Variants in IMPACT observed in about 807,000 individuals in gnomAD.
The protein encoded by IMPACT is protein IMPACT.
Under a neutral mutation model 47.5 loss-of-function variants are expected in IMPACT, and 35 were observed. The observed-to-expected ratio is 0.74, with a 90% CI of 0.56 to 0.98. The LOEUF is 0.98. Ranked by LOEUF, IMPACT falls within the 50% of genes least tolerant of loss-of-function variation. The pLI, the probability that IMPACT is intolerant of heterozygous loss-of-function variation, is 0.00. For synonymous variants in IMPACT, 118 were observed against 125.6 expected (o/e 0.94, Z 0.40); for missense variants, 373 against 394.8 (o/e 0.94, Z 0.47).
At chr18:24,438,771 A>G (rs78420576) in intron 5 of IMPACT, among the ~76,000 whole-genome samples, 9,181 of 152,066 alleles carry the variant, frequency 0.06, 894 homozygotes, top group African/African-American at 0.21. Context: ...CTATTGTATC[A>G]TATGCCTTAT....
chr18:24,446,093 T>G (rs1909242041), intron 8 of IMPACT, among the ~76,000 whole-genome samples: 1 of 152,172 alleles, frequency 6.6e-6, no homozygotes, highest in Non-Finnish European at 1.5e-5. Context: ...TTATTTTGGT[T>G]TGGTTTTTGA....
Position 24,446,451 on chromosome 18 carries a change from A to G in IMPACT, c.668+985A>G, listed in dbSNP as rs570281087. Among the ~76,000 whole-genome samples, 530 of 152,308 alleles carry G rather than the reference A, an allele frequency of 3.5e-3. 5 individuals carry two copies. The highest frequency in any genetic ancestry group is 0.012 in the African/African-American group (508 of 41,566). Reference sequence around the variant, plus strand: ...CAGTTTTGAGAATTCAGGTTTTTATATGCATCTTTGCTGATTTGTAAGTGA... The same window carrying G: ...CAGTTTTGAGAATTCAGGTTTTTATGTGCATCTTTGCTGATTTGTAAGTGA... On this transcript the variant is annotated intron_variant, in intron 8 of 10. Transcript: ENST00000284202.
At position 24,443,996 on chromosome 18, in the gene IMPACT, C is replaced by T. The variant is rs990095739; in HGVS notation, c.594+844C>T. Reference sequence around the variant, plus strand: ...CTTTGGTCTTTGCAGCTACCCTACTCTTGAAGCTCTTTAAAGCCCTGGGCT... The same window carrying T: ...CTTTGGTCTTTGCAGCTACCCTACTTTTGAAGCTCTTTAAAGCCCTGGGCT... On this transcript the variant is annotated intron_variant, in intron 7 of 10. Coordinates refer to ENST00000284202, the MANE Select transcript of IMPACT (RefSeq NM_018439.4). 1.2e-4 allele frequency among the ~76,000 whole-genome samples: 18 copies of T among 152,196 alleles called. 1 individual carries two copies. Among genetic ancestry groups the T allele is most frequent in the Admixed American group, 1.2e-3 (18 of 15,280 alleles).
At position 24,434,794 on chromosome 18, in the gene IMPACT, T is replaced by C; in HGVS notation, c.282-3161T>C. On this transcript the variant is annotated intron_variant, in intron 4 of 10. Coordinates refer to ENST00000284202, the MANE Select transcript of IMPACT (RefSeq NM_018439.4). ...AAAAAAAAATATATATATATATATATATGTGTGTGTGTGTGTATATATATG... is the reference window on the plus strand; with the variant it reads ...AAAAAAAAATATATATATATATATACATGTGTGTGTGTGTGTATATATATG... Among the ~76,000 whole-genome samples the C allele has an allele frequency of 3.1e-5, 2 of 64,826 alleles. 1 individual carries two copies. Among genetic ancestry groups the C allele is most frequent in the African/African-American group, 9.3e-5 (2 of 21,518 alleles). 42.5% of individuals were successfully genotyped at this position (64,826 alleles called of 152,430 possible).
At chr18:24,437,828 A>T in intron 4 of IMPACT, 127 bp from the exon 5 acceptor site, 1 of 599,422 alleles carries the variant, frequency 1.7e-6, no homozygotes, top group South Asian at 2.2e-5. Flanking sequence ...GGTTTTTATA[A>T]ATTATTTTAA....
At chr18:24,430,254 G>A (rs1018003687) in intron 3 of IMPACT, 68 bp from the exon 4 acceptor site, 13 of 1,065,230 alleles carry the variant, frequency 1.2e-5, no homozygotes, top group African/African-American at 1.6e-5. Context: ...TATTTGTGAT[G>A]TAATCTGTAA....
At chr18:24,439,533 A>C (rs1909038993) in intron 5 of IMPACT, 2 of 146,936 alleles carry the variant, frequency 1.4e-5, no homozygotes, top group Middle Eastern at 7.2e-3. Flanking sequence ...GCTACTCGGG[A>C]GGCTGAGGCA....
intron 4 of IMPACT, among the ~76,000 whole-genome samples, chr18:24,432,710 C>A (rs1421508605): frequency 6.6e-6 from 1 of 151,864 alleles, no homozygotes. Context: ...CCCCCGATCC[C>A]CCAGTAGAAT....
chr18:24,427,447 G>A (rs1908640354), intron 1 of IMPACT: 1 of 153,648 alleles, frequency 6.5e-6, no homozygotes, highest in African/African-American at 2.4e-5. Context: ...TAGTCCTTGT[G>A]TACCCCCTCC....
chr18:24,448,030 G>A (rs947871349), intron 8 of IMPACT, 63 bp from the exon 9 acceptor site: 6 of 917,236 alleles, frequency 6.5e-6, no homozygotes, highest in Non-Finnish European at 1.0e-5. Context: ...CACAAATGTT[G>A]AGGAATAAGT....
At chr18:24,434,113 G>A (rs754026632) in intron 4 of IMPACT, among the ~76,000 whole-genome samples, 41 of 152,142 alleles carry the variant, frequency 2.7e-4, no homozygotes, top group Non-Finnish European at 4.3e-4. Context: ...GCCTATGTGG[G>A]AGGATTGCTT....
At chr18:24,445,250 T>G (rs1049452486) in intron 7 of IMPACT, 143 bp from the exon 8 acceptor site, 3 of 474,452 alleles carry the variant, frequency 6.3e-6, no homozygotes, top group African/African-American at 2.0e-5. Context: ...AGAAGGAAAC[T>G]TTGGAAATGA....
Position 24,450,759 on chromosome 18 carries a change from C to T in IMPACT, c.895-20C>T. 6.4e-7 allele frequency: 1 copy of T among 1,565,966 alleles called. No individual in the cohort carries two copies. The highest frequency in any genetic ancestry group is 8.8e-7 in the Non-Finnish European group (1 of 1,138,660). ...TTTATGTAAATGGAGAGATGCTGCACTGATTTGTGTCTTTTTCAGGAGGAG... is the reference window on the plus strand; with the variant it reads ...TTTATGTAAATGGAGAGATGCTGCATTGATTTGTGTCTTTTTCAGGAGGAG... On this transcript the variant is annotated intron_variant, in intron 10 of 10. Transcript: ENST00000284202.
intron 4 of IMPACT, among the ~76,000 whole-genome samples, chr18:24,433,650 CTTTTGTGTGACAGCA>C (rs1241065684): frequency 1.6e-4 from 24 of 145,470 alleles, no homozygotes; most frequent in African/African-American, 6.1e-4. Flanking sequence ...ATTTTTAAAA[CTTTTGTGTGACAGCA>C]TTTTTTTTTT....
chr18:24,430,164 A>T (rs1163598389), intron 3 of IMPACT, among the ~76,000 whole-genome samples, 158 bp from the exon 4 acceptor site: 2 of 152,208 alleles, frequency 1.3e-5, no homozygotes, highest in African/African-American at 4.8e-5. Flanking sequence ...ATTAATGCTA[A>T]TGAAAGCATT....
Position 24,448,197 on chromosome 18 carries a change from AAACT to A in IMPACT, c.759+16_759+19del. 6.4e-7 allele frequency: 1 copy of A among 1,572,288 alleles called. No homozygotes were observed. ...CATCTCATGGAGGTAGGTGTAAGTT[AAACT>A]ATCAATCCTGTTCTGTACAAGCCAT... is the stretch of plus-strand genomic sequence containing the variant. On this transcript the variant is annotated intron_variant, in intron 9 of 10. Transcript: ENST00000284202.
At position 24,443,160 on chromosome 18, in the gene IMPACT, TC is replaced by T; in HGVS notation, c.594+10del. On this transcript the variant is annotated intron_variant, in intron 7 of 10. Coordinates refer to ENST00000284202, the MANE Select transcript of IMPACT (RefSeq NM_018439.4). ...GTGGTTTGTCCCAAACAGGTAAAGT[TC>T]CTTTGTCTAGCTCACTTTGATGATT... 1 of 1,428,928 alleles carries T rather than the reference TC, an allele frequency of 7.0e-7. No homozygotes were observed. Among genetic ancestry groups the T allele is most frequent in the South Asian group, 1.2e-5 (1 of 82,752 alleles). The allele number at this position is 1,428,928 out of a possible 1,614,324, so 88.5% of individuals were successfully genotyped here.
chr18:24,440,363 G>A, intron 5 of IMPACT, 133 bp from the exon 6 acceptor site: 1 of 835,154 alleles, frequency 1.2e-6, no homozygotes, highest in Non-Finnish European at 1.8e-6. Context: ...GAATCAACCA[G>A]TTCTCCTACG....
intron 5 of IMPACT, among the ~76,000 whole-genome samples, chr18:24,438,569 G>T (rs1444989129): frequency 6.6e-6 from 1 of 152,178 alleles, no homozygotes; most frequent in Non-Finnish European, 1.5e-5. Flanking sequence ...ATTTGGGTTT[G>T]TCCATTGTTT....
Sources: allele counts gnomAD v4.1 joint callset (sites outside exome capture counted in the v4.1 genomes callset), GRCh38; gene constraint gnomAD v4.1.1; transcripts MANE v1.5; gene names NCBI Gene and HGNC (gene_info 2026-07-23, HGNC 2026-07-21).